Variants in SNED1 observed in about 807,000 individuals in gnomAD.
SNED1 encodes sushi, nidogen and EGF-like domain-containing protein 1.
SNED1 carries 81 observed loss-of-function variants against 166.7 expected under a neutral mutation model. That is an observed-to-expected ratio of 0.49 (90% confidence interval 0.41 to 0.58). SNED1 has a LOEUF of 0.58. Among genes scored for constraint, SNED1 ranks in the 20% least tolerant of loss-of-function variants. The pLI is 0.00. For synonymous variants in SNED1, 762 were observed against 822.0 expected (o/e 0.93, Z 1.25); for missense variants, 1,604 against 2,000.2 (o/e 0.80, Z 3.78).
chr2:241,073,570 G>T lies in SNED1; in HGVS notation c.3916+206G>T. ...CAGTGGGACCCCACAGACGGGAACA[G>T]GCCAGGGGGCAGGACCCACCCAAAC... On this transcript the variant is annotated intron_variant, in intron 27 of 31. Coordinates refer to ENST00000310397, the MANE Select transcript of SNED1 (RefSeq NM_001080437.3). This position sits in a 1 kb window ranked among gnomAD's most constrained non-coding sequence, Gnocchi z 6.6. 1.6e-6 allele frequency: 1 copy of T among 617,720 alleles called. No homozygotes were observed. 38.3% of individuals were successfully genotyped at this position (617,720 alleles called of 1,614,324 possible).
chr2:241,067,998 G>T (rs1285689849), intron 22 of SNED1, 51 bp downstream of exon 22: 2 of 1,523,712 alleles, frequency 1.3e-6, no homozygotes, highest in Non-Finnish European at 9.0e-7. Context: ...AGGGGTGGGG[G>T]CTCGGGGACA....
intron 20 of SNED1, 66 bp downstream of exon 20, chr2:241,065,023 C>A: frequency 7.9e-7 from 1 of 1,261,956 alleles, no homozygotes; most frequent in Non-Finnish European, 1.1e-6. Flanking sequence ...GAGGGCCCAA[C>A]GGTCTCCAAG....
chr2:241,078,277 G>C (rs533309075), intron 27 of SNED1, among the ~76,000 whole-genome samples: 73 of 151,466 alleles, frequency 4.8e-4, no homozygotes, highest in Non-Finnish European at 1.0e-3. Flanking sequence ...CAGCTCCTCA[G>C]GAGGCTGAGG....
At position 241,018,761 on chromosome 2, in the gene SNED1, A is replaced by G. The variant is rs1161549522; in HGVS notation, c.214-11523A>G. 6.6e-6 allele frequency among the ~76,000 whole-genome samples: 1 copy of G among 152,060 alleles called. No homozygotes were observed. Among genetic ancestry groups the G allele is most frequent in the Non-Finnish European group, 1.5e-5 (1 of 68,006 alleles). Reference sequence around the variant, plus strand: ...CGTCAACCAAGCCACCCACATGTTCATGACTCAGGACTGTGTCAGCCCCAC... The same window carrying G: ...CGTCAACCAAGCCACCCACATGTTCGTGACTCAGGACTGTGTCAGCCCCAC... On this transcript the variant is annotated intron_variant, in intron 1 of 31. Coordinates refer to ENST00000310397, the MANE Select transcript of SNED1 (RefSeq NM_001080437.3). This position sits in a 1 kb window ranked among gnomAD's most constrained non-coding sequence, Gnocchi z 5.4.
chr2:241,080,985 G>A (rs947520842), intron 27 of SNED1, among the ~76,000 whole-genome samples: 13 of 152,244 alleles, frequency 8.5e-5, no homozygotes, highest in Non-Finnish European at 1.5e-5. Flanking sequence ...GGATCTCGAT[G>A]TCTTGCTCGA....
chr2:241,090,255 C>T, intron 31 of SNED1: 1 of 1,515,272 alleles, frequency 6.6e-7, no homozygotes, highest in Non-Finnish European at 8.9e-7. Flanking sequence ...AAGACACAAA[C>T]ACACACATTG....
In SNED1 at chr2:241,065,590, G is replaced by A. The variant is rs907109682; in HGVS notation, c.3005G>A (p.Arg1002His). The A allele has an allele frequency of 1.9e-5, 30 of 1,610,992 alleles. No homozygotes were observed. Among genetic ancestry groups the A allele is most frequent in the Middle Eastern group, 1.8e-4 (1 of 5,622 alleles). ...AGCAGGCCTGCCGTGCTGCTGGCCCGCACGCGTGAGTGTCCCCGAGCCTGG... is the reference window on the plus strand; with the variant it reads ...AGCAGGCCTGCCGTGCTGCTGGCCCACACGCGTGAGTGTCCCCGAGCCTGG... ...DISRPAVLLARTRPRPVEGFE... is the reference protein window; with the variant it reads ...DISRPAVLLAHTRPRPVEGFE... The change falls in exon 21 of 32, where the codon CGC becomes CAC. Residue 1002 changes from arginine (R) to histidine (H), a missense_variant. By Grantham distance (29) the Arg-to-His change is conservative. Transcript: ENST00000310397.
intron 2 of SNED1, among the ~76,000 whole-genome samples, chr2:241,032,503 G>GAGGGGGA: frequency 7.2e-6 from 1 of 139,492 alleles, no homozygotes; most frequent in African/African-American, 2.6e-5. Flanking sequence ...GGGGTCGGGG[G>GAGGGGGA]AGGGATAGCA....
intron 2 of SNED1, among the ~76,000 whole-genome samples, chr2:241,032,811 G>A (rs1024745874): frequency 6.6e-6 from 1 of 152,140 alleles, no homozygotes; most frequent in African/African-American, 2.4e-5. Context: ...CTACTGTGAT[G>A]TGTCTCTTCA....
intron 27 of SNED1, among the ~76,000 whole-genome samples, chr2:241,076,376 A>G (rs1437763540): frequency 6.6e-6 from 1 of 152,202 alleles, no homozygotes; most frequent in Non-Finnish European, 1.5e-5. Flanking sequence ...GTTTGATACT[A>G]TTATATAGTT....
At chr2:241,000,638 G>T (rs2060050813) in intron 1 of SNED1, among the ~76,000 whole-genome samples, 1 of 152,210 alleles carries the variant, frequency 6.6e-6, no homozygotes, top group South Asian at 2.1e-4. Context: ...CCACTTAACA[G>T]CCTCACCAAA....
intron 31 of SNED1, chr2:241,090,386 C>T: frequency 1.9e-6 from 3 of 1,550,096 alleles, no homozygotes; most frequent in Non-Finnish European, 2.6e-6. Context: ...CTGGAAACCT[C>T]CTGAAGGACC....
intron 30 of SNED1, chr2:241,088,002 A>C (rs2063672287): frequency 2.6e-6 from 1 of 390,458 alleles, no homozygotes; most frequent in Non-Finnish European, 4.5e-6. Flanking sequence ...TGGCATTACC[A>C]AGTGTCCGGG....
chr2:241,037,481 A>G, intron 6 of SNED1, 128 bp downstream of exon 6: 3 of 668,338 alleles, frequency 4.5e-6, no homozygotes, highest in Non-Finnish European at 7.7e-6. Flanking sequence ...AGCCCAGAGA[A>G]GCCACCCTCG....
intron 16 of SNED1, 95 bp from the exon 17 acceptor site, chr2:241,062,696 C>T (rs990090448): frequency 2.9e-5 from 24 of 815,318 alleles, no homozygotes; most frequent in East Asian, 1.6e-4. Flanking sequence ...GATGTATCAT[C>T]GAATTCTGTC....
intron 1 of SNED1, chr2:241,015,858 A>G (rs2060567544): frequency 6.5e-6 from 1 of 153,090 alleles, no homozygotes; most frequent in African/African-American, 2.4e-5. Flanking sequence ...CGGGTTCAGC[A>G]TTGAATACGA....
chr2:241,057,412 T>C (rs866917467), intron 16 of SNED1, among the ~76,000 whole-genome samples: 3 of 129,372 alleles, frequency 2.3e-5, no homozygotes, highest in African/African-American at 8.9e-5. Flanking sequence ...TATATATATA[T>C]GCCATACGCA....
chr2:241,040,403 CTG>C lies in SNED1; in HGVS notation c.1266_1267del (p.Cys422Ter). 6.3e-7 allele frequency: 1 copy of C among 1,590,982 alleles called. No individual in the cohort carries two copies. The highest frequency in any genetic ancestry group is 8.6e-7 in the Non-Finnish European group (1 of 1,167,836). On this transcript the variant is annotated frameshift_variant, in exon 8 of 32. Coordinates refer to ENST00000310397, the MANE Select transcript of SNED1 (RefSeq NM_001080437.3). LOFTEE classifies it high-confidence loss of function. ...GTGCCGAGCCCTTCAAGGGACTTCGCTGTGAGACAGGTAACTGGCCAAGTGCC... is the reference window on the plus strand; with the variant it reads ...GTGCCGAGCCCTTCAAGGGACTTCGCTGAGACAGGTAACTGGCCAAGTGCC... ...LCAEPFKGLR[C>X]ETGDHPVPDA... is the part of the protein sequence containing the mutation.
chr2:241,082,695 C>T (rs957523926), intron 29 of SNED1, among the ~76,000 whole-genome samples: 8 of 152,220 alleles, frequency 5.3e-5, no homozygotes, highest in Non-Finnish European at 1.0e-4. Flanking sequence ...CCTCTCTTCT[C>T]TTCCTCAGAG....
Sources: gnomAD v4.1 joint callset for allele counts (sites outside exome capture counted in the v4.1 genomes callset) on GRCh38, gnomAD v4.1.1 for gene constraint, Gnocchi (gnomAD v3.1) non-coding constraint, MANE v1.5 for transcripts, NCBI Gene and HGNC (gene_info 2026-07-23, HGNC 2026-07-21) for gene names.